MYLIP: variants seen among roughly 807,000 people sequenced by gnomAD.
The protein encoded by MYLIP is E3 ubiquitin-protein ligase MYLIP.
A neutral mutation model predicts 45.8 loss-of-function variants in MYLIP; 26 were observed. The observed-to-expected ratio is 0.57, with a 90% CI of 0.42 to 0.79. The LOEUF is 0.79. Ranked by LOEUF, MYLIP falls within the 30% of genes least tolerant of loss-of-function variation. The pLI, the probability that MYLIP is intolerant of heterozygous loss-of-function variation, is 0.00. For missense variants in MYLIP, 494 were observed against 555.6 expected (o/e 0.89, Z 1.11); for synonymous variants, 213 against 218.1 (o/e 0.98, Z 0.21).
chr6:16,150,529 G>T (rs1316319144), downstream of MYLIP, among the ~76,000 whole-genome samples: 1 of 152,138 alleles, frequency 6.6e-6, no homozygotes, highest in African/African-American at 2.4e-5. Context: ...TAGGCATAGA[G>T]GAGAGGAGGG....
rs2113551760 is a variant in MYLIP, at chr6:16,141,823, A to G, written c.464+13A>G. On this transcript the variant is annotated intron_variant, in intron 3 of 6. Transcript: ENST00000356840. ...CCACCTTGAACAGGTGAGGCTGTTG[A>G]ATATAGTATTGTTTACAACTAGAAT... 1 of 1,598,508 alleles carries G rather than the reference A, an allele frequency of 6.3e-7. No homozygotes were observed. Among genetic ancestry groups the G allele is most frequent in the African/African-American group, 1.3e-5 (1 of 74,672 alleles).
intron 2 of MYLIP, among the ~76,000 whole-genome samples, chr6:16,134,930 G>A (rs1391040196): frequency 1.3e-5 from 2 of 152,114 alleles, no homozygotes; most frequent in Admixed American, 6.5e-5. Context: ...AAATATTCAA[G>A]GAAGGTTTTT....
intron 1 of MYLIP, among the ~76,000 whole-genome samples, chr6:16,130,014 C>T (rs924771514): frequency 2.6e-5 from 4 of 152,162 alleles, no homozygotes; most frequent in African/African-American, 4.8e-5. Flanking sequence ...AGATCGGTGC[C>T]AAATAGTGCA....
chr6:16,135,005 A>G (rs1030026621), intron 2 of MYLIP, among the ~76,000 whole-genome samples: 1 of 152,214 alleles, frequency 6.6e-6, no homozygotes, highest in Non-Finnish European at 1.5e-5. Context: ...CAAGGTGACC[A>G]GTGTTGAGCA....
At chr6:16,150,595 G>A (rs1202952898), downstream of MYLIP, among the ~76,000 whole-genome samples, 1 of 152,140 alleles carries the variant, frequency 6.6e-6, no homozygotes, top group Non-Finnish European at 1.5e-5. Context: ...TCGGAGGCCG[G>A]GAGGCGAGAG....
chr6:16,153,455 C>G, the MYLIP span, among the ~76,000 whole-genome samples: 1 of 152,164 alleles, frequency 6.6e-6, no homozygotes, highest in South Asian at 2.1e-4. Flanking sequence ...ACTGAGGAAA[C>G]TTGCTCCAGG....
In MYLIP at chr6:16,145,144, A is replaced by T; in HGVS notation, c.1075A>T (p.Asn359Tyr). The stretch of plus-strand genomic sequence containing the variant: ...TCTGAAGTCCTCAGAAAGCAGCATG[A>T]ACTGCAGCAGCTGCGAGGGCCTCAG... The part of the protein sequence containing the change: ...SPLKSSESSM[N>Y]CSSCEGLSCQ... Residue 359 changes from asparagine to tyrosine, a missense_variant, in exon 6 of 7, where the codon AAC becomes TAC. By Grantham distance (143) the Asn-to-Tyr change is moderately radical. Transcript: ENST00000356840. 6.2e-7 allele frequency: 1 copy of T among 1,614,214 alleles called. No homozygotes were observed. The highest frequency in any genetic ancestry group is 1.1e-5 in the South Asian group (1 of 91,086).
At chr6:16,155,897 G>A in the MYLIP span, among the ~76,000 whole-genome samples, 15 of 131,668 alleles carry the variant, frequency 1.1e-4, no homozygotes, top group Admixed American at 3.6e-4. Flanking sequence ...GAAGGTCAGT[G>A]TGACAGCCTT....
chr6:16,149,187 A>T (rs115063162), downstream of MYLIP, among the ~76,000 whole-genome samples: 6 of 152,236 alleles, frequency 3.9e-5, no homozygotes, highest in Non-Finnish European at 8.8e-5. Context: ...TACTAGCATC[A>T]GAGGGAGTCT....
At chr6:16,145,359 A>G (rs887721332) in intron 6 of MYLIP, 42 bp downstream of exon 6, 1 of 1,535,740 alleles carries the variant, frequency 6.5e-7, no homozygotes, top group Non-Finnish European at 8.8e-7. Context: ...AGCCTCACCT[A>G]TCCCTCCTCT....
intron 2 of MYLIP, among the ~76,000 whole-genome samples, chr6:16,140,239 T>C (rs1023240269): frequency 2.6e-5 from 4 of 152,252 alleles, no homozygotes; most frequent in African/African-American, 9.6e-5. Flanking sequence ...ACTTCACATT[T>C]GCCAGGGACA....
At chr6:16,161,398 A>G in the MYLIP span, 2 of 217,632 alleles carry the variant, frequency 9.2e-6, no homozygotes, top group Non-Finnish European at 1.9e-5. Flanking sequence ...GACCTCCCGG[A>G]CAACCTCAGA....
chr6:16,158,744 C>T, the MYLIP span, among the ~76,000 whole-genome samples: 1 of 152,168 alleles, frequency 6.6e-6, no homozygotes, highest in African/African-American at 2.4e-5. Flanking sequence ...GTGGCGGGCA[C>T]CTGTAGTCCC....
chr6:16,156,519 A>G, the MYLIP span, among the ~76,000 whole-genome samples: 1 of 152,326 alleles, frequency 6.6e-6, no homozygotes, highest in South Asian at 2.1e-4. Context: ...GAAGGAAGAC[A>G]CAAGCTGCAC....
In MYLIP at chr6:16,145,234, G is replaced by A. The variant is rs779354154; in HGVS notation, c.1165G>A (p.Val389Met). The A allele has an allele frequency of 6.2e-7, 1 of 1,613,998 alleles. No individual in the cohort carries two copies. Among genetic ancestry groups the A allele is most frequent in the South Asian group, 1.1e-5 (1 of 91,078 alleles). ...RKLKEAMLCM[V>M]CCEEEINSTF... ...GCTGAAGGAAGCCATGCTGTGCATG[G>A]TGTGCTGCGAGGAGGAGATCAACTC... Residue 389 changes from valine to methionine, a missense_variant, in exon 6 of 7, where the codon GTG becomes ATG. By Grantham distance (21) the Val-to-Met change is conservative. Transcript: ENST00000356840.
chr6:16,129,265 C>T lies in MYLIP; in HGVS notation c.-58C>T. The T allele has an allele frequency of 6.6e-7, 1 of 1,521,108 alleles. No individual in the cohort carries two copies. The highest frequency in any genetic ancestry group is 1.4e-5 in the African/African-American group (1 of 72,482). The allele number at this position is 1,521,108 out of a possible 1,614,324, so 94.2% of individuals were successfully genotyped here. ...GGGCTGGGTCCCACCAGTGACAAGG[C>T]GGCAGCCCCGCGCACACCAAAGAGA... is the stretch of plus-strand genomic sequence containing the variant. On this transcript the variant is annotated 5_prime_UTR_variant, in exon 1 of 7. Transcript: ENST00000356840. The surrounding 1 kb of genome is among the most constrained non-coding windows in gnomAD (Gnocchi z 5.1).
chr6:16,154,256 A>G, the MYLIP span, among the ~76,000 whole-genome samples: 1 of 152,134 alleles, frequency 6.6e-6, no homozygotes, highest in Non-Finnish European at 1.5e-5. Context: ...GGAACATGCC[A>G]TCTTTCTCCT....
rs751270679 is a variant in MYLIP at position 16,141,513 on chromosome 6, AGT to A, written c.279-108_279-107del. 3.0e-6 allele frequency: 3 copies of A among 1,001,720 alleles called. No individual in the cohort carries two copies. The Admixed American group carries it at 8.4e-5, about 28-fold the overall frequency. The allele number at this position is 1,001,720 out of a possible 1,614,324, so 62.1% of individuals were successfully genotyped here. ...AAGTTCTTTAATGTTAAGCATTTTC[AGT>A]GTGACTTTTAAAATTGCTTTCCTTA... On this transcript the variant is annotated intron_variant, in intron 2 of 6. Transcript: ENST00000356840.
the MYLIP span, among the ~76,000 whole-genome samples, chr6:16,157,652 G>T: frequency 5.3e-5 from 8 of 152,234 alleles, no homozygotes; most frequent in Non-Finnish European, 7.3e-5. Context: ...GGATCTGACT[G>T]GATTGAAGAG....
Sources: gnomAD v4.1 joint callset for allele counts (sites outside exome capture counted in the v4.1 genomes callset) on GRCh38, gnomAD v4.1.1 for gene constraint, Gnocchi (gnomAD v3.1) non-coding constraint, MANE v1.5 for transcripts, NCBI Gene and HGNC (gene_info 2026-07-23, HGNC 2026-07-21) for gene names.